Variants in NMNAT3 observed in about 807,000 individuals in gnomAD.
NMNAT3 encodes the protein nicotinamide/nicotinic acid mononucleotide adenylyltransferase 3.
NMNAT3 carries 21 observed loss-of-function variants against 24.8 expected under a neutral mutation model. The ratio of observed to expected loss-of-function variants is 0.85; its 90% CI spans 0.60 to 1.22. NMNAT3 has a LOEUF of 1.22. Ranked by LOEUF, NMNAT3 falls within the 50% of genes most tolerant of loss-of-function variation. The probability of loss-of-function intolerance (pLI) is 0.00; values close to 1 mark genes in which losing one functional copy is unlikely to be tolerated. For synonymous variants in NMNAT3, 136 were observed against 155.2 expected, an observed-to-expected ratio of 0.88 and a Z score of 0.92; for missense variants, 387 against 436.6, an observed-to-expected ratio of 0.89 and a Z score of 1.01.
chr3:139,594,781 T>C (rs1482388890), intron 3 of NMNAT3, among the ~76,000 whole-genome samples: 1 of 152,182 alleles, frequency 6.6e-6, no homozygotes, highest in Non-Finnish European at 1.5e-5. Context: ...CTAAAAACTC[T>C]CAATAAATTA....
chr3:139,671,751 C>G (rs1158778247), intron 1 of NMNAT3, among the ~76,000 whole-genome samples: 1 of 152,196 alleles, frequency 6.6e-6, no homozygotes, highest in African/African-American at 2.4e-5. Flanking sequence ...GTGCAATAAA[C>G]CTATTACTGA....
intron 3 of NMNAT3, among the ~76,000 whole-genome samples, chr3:139,612,250 G>T (rs113446242): frequency 2.5e-3 from 379 of 152,132 alleles, no homozygotes; most frequent in African/African-American, 8.2e-3. Flanking sequence ...CAAAATCAGG[G>T]AACCGAGTCT....
chr3:139,582,190 C>CAAAAAA (rs756159164), intron 4 of NMNAT3, among the ~76,000 whole-genome samples: 3 of 23,068 alleles, frequency 1.3e-4, no homozygotes, highest in African/African-American at 1.3e-4. Flanking sequence ...GACTCCCTCT[C>CAAAAAA]AAAAAAAAAA....
chr3:139,586,480 G>C (rs2108143545), intron 3 of NMNAT3, among the ~76,000 whole-genome samples: 1 of 151,986 alleles, frequency 6.6e-6, no homozygotes, highest in South Asian at 2.1e-4. Context: ...CTGGAAACTG[G>C]AAGCATTTTC....
chr3:139,648,645 T>A (rs2056951684), intron 1 of NMNAT3, among the ~76,000 whole-genome samples: 2 of 152,208 alleles, frequency 1.3e-5, no homozygotes, highest in Admixed American at 1.3e-4. Context: ...ACAAATAGTT[T>A]AATTATTAAT....
chr3:139,656,056 C>T (rs1402232319), intron 1 of NMNAT3, among the ~76,000 whole-genome samples: 1 of 152,186 alleles, frequency 6.6e-6, no homozygotes, highest in African/African-American at 2.4e-5. Context: ...GACTGGAATC[C>T]AGCCATGCTA....
chr3:139,668,069 A>AG (rs2057642691), intron 1 of NMNAT3, among the ~76,000 whole-genome samples: 1 of 152,334 alleles, frequency 6.6e-6, no homozygotes, highest in African/African-American at 2.4e-5. Context: ...TGTAACGTAC[A>AG]GGCAAGAGGA....
chr3:139,572,568 TAC>T (rs1938565371), intron 6 of NMNAT3, among the ~76,000 whole-genome samples: 1 of 152,176 alleles, frequency 6.6e-6, no homozygotes, highest in Non-Finnish European at 1.5e-5. Flanking sequence ...GCACAGGGGA[TAC>T]TGCTGTGAGG....
At chr3:139,583,327 A>C in intron 3 of NMNAT3, 1 of 1,394,864 alleles carries the variant, frequency 7.2e-7, no homozygotes, top group Non-Finnish European at 1.0e-6. Flanking sequence ...TCTTCAATGG[A>C]AGTTTCACAA....
intron 6 of NMNAT3, 144 bp downstream of exon 6, chr3:139,573,454 C>A: frequency 2.3e-6 from 1 of 431,698 alleles, no homozygotes; most frequent in Non-Finnish European, 4.2e-6. Flanking sequence ...AAGTGTCATC[C>A]CAACCAGGCA....
chr3:139,578,490 T>TA (rs542826574), intron 5 of NMNAT3, among the ~76,000 whole-genome samples: 245 of 152,306 alleles, frequency 1.6e-3, no homozygotes, highest in Non-Finnish European at 2.9e-3. Context: ...TATTTACATA[T>TA]AAAAAATCCT....
chr3:139,593,763 T>C (rs11710216), intron 3 of NMNAT3, among the ~76,000 whole-genome samples: 10,240 of 146,256 alleles, frequency 0.07, 787 homozygotes, highest in East Asian at 0.36. Context: ...TTGAAACCAA[T>C]GAGAACAAAG....
intron 3 of NMNAT3, among the ~76,000 whole-genome samples, chr3:139,587,101 A>G (rs1247490778): frequency 6.6e-6 from 1 of 152,240 alleles, no homozygotes; most frequent in Non-Finnish European, 1.5e-5. Context: ...GCCCTGTGCC[A>G]ATACACAACG....
intron 5 of NMNAT3, chr3:139,577,895 A>G (rs949238904): frequency 5.9e-5 from 9 of 152,260 alleles, no homozygotes; most frequent in Admixed American, 2.0e-4. Flanking sequence ...GATTACCTCT[A>G]CTAAAAAGGT....
Position 139,617,253 on chromosome 3 carries a change from A to G in NMNAT3, c.109+10363T>C, listed in dbSNP as rs569646384. On this transcript the variant is annotated intron_variant, in intron 3 of 6. Coordinates refer to ENST00000643695, the MANE Select transcript of NMNAT3 (RefSeq NM_001320510.2). ...TTCAGTTAGTGTTTGTCTATTCCAG[A>G]ACCACAGAGGCTACTTCTGCTCCCA... Among the ~76,000 whole-genome samples, 5 of 152,296 alleles carry G rather than the reference A, an allele frequency of 3.3e-5. No homozygotes were observed. In the South Asian group the frequency reaches 8.3e-4, roughly 25 times the overall value.
intron 3 of NMNAT3, among the ~76,000 whole-genome samples, chr3:139,605,853 CT>C (rs909329671): frequency 4.6e-5 from 7 of 151,382 alleles, no homozygotes; most frequent in African/African-American, 1.7e-4. Flanking sequence ...ATGTAAAATT[CT>C]TTTTGTAAAA....
intron 4 of NMNAT3, among the ~76,000 whole-genome samples, chr3:139,580,136 CT>C (rs1198808748): frequency 6.6e-6 from 1 of 152,170 alleles, no homozygotes; most frequent in East Asian, 1.9e-4. Flanking sequence ...AGAGTTCTCT[CT>C]TTCTATGCTG....
chr3:139,656,860 C>A (rs2057261678), intron 1 of NMNAT3, among the ~76,000 whole-genome samples: 1 of 152,146 alleles, frequency 6.6e-6, no homozygotes. Context: ...ATTATTTTCA[C>A]ATTTTGAACC....
At chr3:139,617,924 A>C (rs548005269) in intron 3 of NMNAT3, among the ~76,000 whole-genome samples, 2 of 152,242 alleles carry the variant, frequency 1.3e-5, no homozygotes, top group Non-Finnish European at 2.9e-5. Flanking sequence ...CTGACTAGTC[A>C]TATGTTGTGC....
Sources: allele counts gnomAD v4.1 joint callset (sites outside exome capture counted in the v4.1 genomes callset), GRCh38; gene constraint gnomAD v4.1.1; transcripts MANE v1.5; gene names NCBI Gene and HGNC (gene_info 2026-07-23, HGNC 2026-07-21).